Variants in TRIM33 observed in about 807,000 individuals in gnomAD.
The protein encoded by TRIM33 is E3 ubiquitin-protein ligase TRIM33.
TRIM33 carries 20 observed loss-of-function variants against 125.4 expected under a neutral mutation model. The observed-to-expected ratio is 0.16, with a 90% CI of 0.11 to 0.23. TRIM33 has a LOEUF of 0.23. Among genes scored for constraint, TRIM33 ranks in the 10% least tolerant of loss-of-function variants. The probability of loss-of-function intolerance (pLI) is 1.00; values close to 1 mark genes in which losing one functional copy is unlikely to be tolerated. For synonymous variants in TRIM33, 564 were observed against 513.9 expected, an observed-to-expected ratio of 1.10 and a Z score of -1.32; for missense variants, 920 against 1,411.4, an observed-to-expected ratio of 0.65 and a Z score of 5.58.
At chr1:114,440,318 AT>A (rs1470025218) in intron 4 of TRIM33, among the ~76,000 whole-genome samples, 1 of 152,000 alleles carries the variant, frequency 6.6e-6, no homozygotes, top group East Asian at 1.9e-4. Context: ...TCAATCCTTT[AT>A]TGTGGAAAGA....
At chr1:114,455,398 A>G (rs1005801118) in intron 4 of TRIM33, among the ~76,000 whole-genome samples, 1 of 152,182 alleles carries the variant, frequency 6.6e-6, no homozygotes, top group Non-Finnish European at 1.5e-5. Flanking sequence ...TATATGGTAA[A>G]TACTGTGATT....
At chr1:114,402,928 C>G in intron 15 of TRIM33, 45 bp from the exon 16 acceptor site, 1 of 1,560,184 alleles carries the variant, frequency 6.4e-7, no homozygotes, top group South Asian at 1.2e-5. Flanking sequence ...TATAAGAAAG[C>G]CTGCTCTAGA....
chr1:114,394,811 A>C lies in TRIM33; in HGVS notation c.*2837T>G, dbSNP rs1453877188. On this transcript the variant is annotated 3_prime_UTR_variant, in exon 20 of 20. Coordinates refer to ENST00000358465, the MANE Select transcript of TRIM33 (RefSeq NM_015906.4). ...GAATTGGCTGAGCCAAGTGCTGAAAACACAAATTTAGGTCAGCGGAACAGA... is the reference window on the plus strand; with the variant it reads ...GAATTGGCTGAGCCAAGTGCTGAAACCACAAATTTAGGTCAGCGGAACAGA... 2.5e-5 allele frequency: 5 copies of C among 198,294 alleles called. No homozygotes were observed. The highest frequency in any genetic ancestry group is 5.2e-5 in the Non-Finnish European group (5 of 95,758). The allele number at this position is 198,294 out of a possible 1,614,324, so 12.3% of individuals were successfully genotyped here. A position where few individuals can be genotyped will look rare whatever the true frequency, so the allele number is the denominator to read the frequency against.
At chr1:114,417,900 C>T (rs1171368100) in intron 11 of TRIM33, among the ~76,000 whole-genome samples, 1 of 152,194 alleles carries the variant, frequency 6.6e-6, no homozygotes, top group African/African-American at 2.4e-5. Context: ...AGGTGATCTG[C>T]CTGCCTCAGC....
intron 4 of TRIM33, among the ~76,000 whole-genome samples, chr1:114,456,418 A>G (rs1649627855): frequency 6.6e-6 from 1 of 152,214 alleles, no homozygotes; most frequent in Non-Finnish European, 1.5e-5. Context: ...GTGGCCTATG[A>G]AAAAAGCAGA....
At position 114,463,024 on chromosome 1, in the gene TRIM33, C is replaced by G. The variant is rs921437715; in HGVS notation, c.923+80G>C. 11 of 1,092,040 alleles carry G rather than the reference C, an allele frequency of 1.0e-5. No individual in the cohort carries two copies. In the African/African-American group the frequency reaches 1.8e-4, roughly 18 times the overall value. The allele number at this position is 1,092,040 out of a possible 1,614,324, so 67.6% of individuals were successfully genotyped here. A position where few individuals can be genotyped will look rare whatever the true frequency, so the allele number is the denominator to read the frequency against. ...AAAGATTAAGACACAAACATATAAT[C>G]AATATTTGCTTTAAGAAGAAGAATG... On this transcript the variant is annotated intron_variant, in intron 4 of 19. Coordinates refer to ENST00000358465, the MANE Select transcript of TRIM33 (RefSeq NM_015906.4).
At chr1:114,411,412 G>A (rs747306827) in intron 11 of TRIM33, among the ~76,000 whole-genome samples, 12 of 152,204 alleles carry the variant, frequency 7.9e-5, no homozygotes, top group Non-Finnish European at 2.9e-5. Context: ...GACAATAGCA[G>A]TTGTGTTACC....
At chr1:114,440,656 A>G (rs890850020) in intron 4 of TRIM33, among the ~76,000 whole-genome samples, 2 of 152,208 alleles carry the variant, frequency 1.3e-5, no homozygotes, top group Admixed American at 1.3e-4. Context: ...TATTTAAATT[A>G]TAATGGATGG....
At chr1:114,430,124 C>A (rs1209914786) in intron 6 of TRIM33, among the ~76,000 whole-genome samples, 1 of 151,826 alleles carries the variant, frequency 6.6e-6, no homozygotes, top group East Asian at 1.9e-4. Context: ...CAAGCAGAAG[C>A]CCAACATGAA....
At position 114,393,890 on chromosome 1, in the gene TRIM33, A is replaced by G; in HGVS notation, c.*3758T>C. ...TAATTTTTAAAAGATAGACTGGGTG[A>G]TATGCATACAAACTTTCCTATAAAA... is the stretch of plus-strand genomic sequence containing the variant. On this transcript the variant is annotated 3_prime_UTR_variant, in exon 20 of 20. Transcript: ENST00000358465. 1 of 216,776 alleles carries G rather than the reference A, an allele frequency of 4.6e-6. No individual in the cohort carries two copies. The highest frequency in any genetic ancestry group is 9.3e-6 in the Non-Finnish European group (1 of 107,362). The allele number at this position is 216,776 out of a possible 1,614,324, so 13.4% of individuals were successfully genotyped here.
chr1:114,483,269 TGCACCCCA>T (rs1651464474), intron 1 of TRIM33, among the ~76,000 whole-genome samples: 1 of 151,988 alleles, frequency 6.6e-6, no homozygotes, highest in Non-Finnish European at 1.5e-5. Flanking sequence ...ATCACACCAC[TGCACCCCA>T]GCCTGGGCTA....
At chr1:114,466,344 T>C (rs752753986) in intron 1 of TRIM33, among the ~76,000 whole-genome samples, 1 of 152,190 alleles carries the variant, frequency 6.6e-6, no homozygotes, top group Non-Finnish European at 1.5e-5. Flanking sequence ...TGAACGTGAC[T>C]ATACTAGTGT....
chr1:114,410,089 A>C (rs1320793160), intron 12 of TRIM33, 95 bp downstream of exon 12: 6 of 1,428,824 alleles, frequency 4.2e-6, no homozygotes, highest in Non-Finnish European at 4.9e-6. Context: ...TAGACCTCCT[A>C]CTTATTCTGT....
At chr1:114,493,277 T>C (rs1570664016) in intron 1 of TRIM33, among the ~76,000 whole-genome samples, 1 of 152,252 alleles carries the variant, frequency 6.6e-6, no homozygotes, top group African/African-American at 2.4e-5. Flanking sequence ...GAGAGTTCTT[T>C]ATATATTTCA....
At chr1:114,424,503 A>G in intron 10 of TRIM33, 88 bp downstream of exon 10, 1 of 1,230,236 alleles carries the variant, frequency 8.1e-7, no homozygotes, top group Middle Eastern at 2.4e-4. Flanking sequence ...CAAACACATC[A>G]ATGACCTGCT....
At chr1:114,495,267 A>G (rs1425253972) in intron 1 of TRIM33, among the ~76,000 whole-genome samples, 1 of 152,024 alleles carries the variant, frequency 6.6e-6, no homozygotes, top group African/African-American at 2.4e-5. Flanking sequence ...ACTACTCTCA[A>G]TGTCTTATAC....
intron 9 of TRIM33, 112 bp downstream of exon 9, chr1:114,425,337 C>A: frequency 7.3e-7 from 1 of 1,376,504 alleles, no homozygotes; most frequent in Non-Finnish European, 1.0e-6. Flanking sequence ...GACTTTTGAA[C>A]TCTGCTCAGT....
chr1:114,510,861 C>A lies in TRIM33; in HGVS notation c.216G>T (p.Ser72=), dbSNP rs543783687. 185 of 1,469,608 alleles carry A rather than the reference C, an allele frequency of 1.3e-4. No homozygotes were observed. The highest frequency in any genetic ancestry group is 1.6e-4 in the Non-Finnish European group (178 of 1,117,316). 91.0% of individuals were successfully genotyped at this position (1,469,608 alleles called of 1,614,324 possible). The change falls in exon 1 of 20, where the codon TCG becomes TCT. Residue 72 remains serine, a synonymous_variant. Transcript: ENST00000358465. The part of the protein sequence containing the change: ...PDDGGVAAAS[S]GSAQAASSPA... ...GAGATGAAGCAGCCTGGGCCGAGCC[C>A]GAGGAGGCCGCGGCCACCCCCCCGT...
At chr1:114,437,240 TG>T (rs1648364130) in intron 4 of TRIM33, among the ~76,000 whole-genome samples, 1 of 152,222 alleles carries the variant, frequency 6.6e-6, no homozygotes, top group Admixed American at 6.5e-5. Context: ...AGCTGAAATG[TG>T]GGGAAAGAAT....
Sources: gnomAD v4.1 joint callset for allele counts (sites outside exome capture counted in the v4.1 genomes callset) on GRCh38, gnomAD v4.1.1 for gene constraint, MANE v1.5 for transcripts, NCBI Gene and HGNC (gene_info 2026-07-23, HGNC 2026-07-21) for gene names.